Variants in SEMA3A observed in about 807,000 individuals in gnomAD.
SEMA3A encodes semaphorin-3A.
Under a neutral mutation model 97.9 loss-of-function variants are expected in SEMA3A, and 29 were observed. The observed-to-expected ratio is 0.30, with a 90% CI of 0.22 to 0.40. The LOEUF is 0.40. Among genes scored for constraint, SEMA3A ranks in the 10% least tolerant of loss-of-function variants. The probability of loss-of-function intolerance (pLI) is 1.00; values close to 1 mark genes in which losing one functional copy is unlikely to be tolerated. For synonymous variants in SEMA3A, 321 were observed against 323.7 expected, an observed-to-expected ratio of 0.99 and a Z score of 0.09; for missense variants, 763 against 951.3, an observed-to-expected ratio of 0.80 and a Z score of 2.60.
intron 1 of SEMA3A, among the ~76,000 whole-genome samples, chr7:84,161,460 G>A (rs1797032054): frequency 6.6e-6 from 1 of 152,060 alleles, no homozygotes; most frequent in African/African-American, 2.4e-5. Flanking sequence ...AATCATCCCT[G>A]ACACCCTCAC....
intron 1 of SEMA3A, among the ~76,000 whole-genome samples, chr7:84,425,333 T>C (rs1584315680): frequency 1.6e-5 from 1 of 62,484 alleles, no homozygotes; most frequent in South Asian, 3.7e-4. Flanking sequence ...AATATAAATA[T>C]AATATATTGA....
At chr7:84,340,653 G>T (rs961476447) in intron 2 of SEMA3A, among the ~76,000 whole-genome samples, 1 of 151,562 alleles carries the variant, frequency 6.6e-6, no homozygotes, top group South Asian at 2.1e-4. Flanking sequence ...GGTGGTATAC[G>T]CCTGTAATCC....
chr7:84,272,696 T>A (rs1291667112), intron 3 of SEMA3A, among the ~76,000 whole-genome samples: 1 of 152,046 alleles, frequency 6.6e-6, no homozygotes, highest in Admixed American at 6.6e-5. Flanking sequence ...TTTCCCACAC[T>A]TCCACCAAGT....
chr7:84,101,160 G>A (rs1328392046), intron 4 of SEMA3A, among the ~76,000 whole-genome samples: 2 of 152,160 alleles, frequency 1.3e-5, no homozygotes, highest in East Asian at 3.9e-4. Context: ...TTTAGATTAT[G>A]ATATATCTTC....
At chr7:84,117,855 T>A (rs1043111258) in intron 3 of SEMA3A, among the ~76,000 whole-genome samples, 1 of 152,214 alleles carries the variant, frequency 6.6e-6, no homozygotes, top group African/African-American at 2.4e-5. Flanking sequence ...TCTCTGAGCC[T>A]GAGTCTCCTC....
At chr7:84,014,630 T>TA (rs1791020884) in intron 6 of SEMA3A, among the ~76,000 whole-genome samples, 1 of 152,188 alleles carries the variant, frequency 6.6e-6, no homozygotes, top group Admixed American at 6.5e-5. Flanking sequence ...GCAGATGCGT[T>TA]ACTGGATATT....
At chr7:84,146,757 G>A (rs530344913) in intron 1 of SEMA3A, among the ~76,000 whole-genome samples, 1 of 151,576 alleles carries the variant, frequency 6.6e-6, no homozygotes, top group Admixed American at 6.6e-5. Context: ...ATTCCCATTG[G>A]TTTTATTTAA....
intron 2 of SEMA3A, among the ~76,000 whole-genome samples, chr7:84,335,923 T>C (rs1009123734): frequency 4.6e-5 from 7 of 152,120 alleles, no homozygotes; most frequent in African/African-American, 1.7e-4. Flanking sequence ...TTGAGCTATT[T>C]TACGTGTTTT....
intron 5 of SEMA3A, among the ~76,000 whole-genome samples, chr7:84,057,541 T>C (rs905885170): frequency 3.3e-5 from 5 of 151,720 alleles, no homozygotes; most frequent in Admixed American, 6.6e-5. Context: ...CTGAGGTGGG[T>C]GGATCACGAG....
At chr7:84,301,573 A>C (rs560040241) in intron 3 of SEMA3A, among the ~76,000 whole-genome samples, 1 of 152,238 alleles carries the variant, frequency 6.6e-6, no homozygotes, top group African/African-American at 2.4e-5. Context: ...CATGCCATGA[A>C]GTTTTGCTAG....
At chr7:84,097,936 G>GT (rs1794825563) in intron 4 of SEMA3A, among the ~76,000 whole-genome samples, 1 of 151,862 alleles carries the variant, frequency 6.6e-6, no homozygotes, top group African/African-American at 2.4e-5. Context: ...AATTTCCAAA[G>GT]ATTCATAAGT....
intron 12 of SEMA3A, among the ~76,000 whole-genome samples, chr7:83,999,944 C>T (rs1790372995): frequency 6.8e-6 from 1 of 147,682 alleles, no homozygotes; most frequent in African/African-American, 2.5e-5. Flanking sequence ...TACTGGGGCA[C>T]CTCACTTTAT....
intron 1 of SEMA3A, among the ~76,000 whole-genome samples, chr7:84,469,843 C>T (rs1045930189): frequency 6.6e-6 from 1 of 151,886 alleles, no homozygotes; most frequent in African/African-American, 2.4e-5. Context: ...GGAGTTCTTA[C>T]ATATAATAAG....
chr7:83,985,552 A>C, intron 12 of SEMA3A, 75 bp from the exon 13 acceptor site: 4 of 1,187,960 alleles, frequency 3.4e-6, no homozygotes, highest in Non-Finnish European at 5.0e-6. Context: ...AACTCAAGGC[A>C]CTGCCATTAG....
At chr7:84,113,840 A>G (rs1795345953) in intron 3 of SEMA3A, among the ~76,000 whole-genome samples, 1 of 152,152 alleles carries the variant, frequency 6.6e-6, no homozygotes, top group Non-Finnish European at 1.5e-5. Context: ...AGTAAAATCC[A>G]AGGCCACACC....
intron 4 of SEMA3A, among the ~76,000 whole-genome samples, chr7:84,098,415 T>C (rs1794844984): frequency 6.6e-6 from 1 of 152,094 alleles, no homozygotes; most frequent in Non-Finnish European, 1.5e-5. Flanking sequence ...AGAAGTAAGG[T>C]AGGTGGGTTT....
intron 1 of SEMA3A, among the ~76,000 whole-genome samples, chr7:84,170,450 A>C (rs1584075748): frequency 6.6e-6 from 1 of 152,048 alleles, no homozygotes; most frequent in South Asian, 2.1e-4. Context: ...TTTAACAAAT[A>C]CTTTATTTGG....
chr7:84,351,488 C>A (rs886596175), intron 2 of SEMA3A, among the ~76,000 whole-genome samples: 2 of 150,934 alleles, frequency 1.3e-5, no homozygotes, highest in Non-Finnish European at 3.0e-5. Flanking sequence ...GATTCATAAC[C>A]AGAATATATA....
At chr7:84,172,509 C>T (rs1797417750) in intron 1 of SEMA3A, among the ~76,000 whole-genome samples, 2 of 152,140 alleles carry the variant, frequency 1.3e-5, no homozygotes, top group Admixed American at 6.6e-5. Flanking sequence ...TCAAGCTCCG[C>T]CTCCTGGGTT....
Sources: gnomAD v4.1 joint callset for allele counts (sites outside exome capture counted in the v4.1 genomes callset) on GRCh38, gnomAD v4.1.1 for gene constraint, MANE v1.5 for transcripts, NCBI Gene and HGNC (gene_info 2026-07-23, HGNC 2026-07-21) for gene names.